DPYD: variants seen among roughly 807,000 people sequenced by gnomAD.
The protein encoded by DPYD is dihydropyrimidine dehydrogenase.
Under a neutral mutation model 116.2 loss-of-function variants are expected in DPYD, and 109 were observed. The observed-to-expected ratio is 0.94, with a 90% CI of 0.80 to 1.10. DPYD has a LOEUF of 1.10. DPYD is among the 50% of genes least tolerant of loss of function. The pLI, the probability that DPYD is intolerant of heterozygous loss-of-function variation, is 0.00. For synonymous variants in DPYD, 440 were observed against 432.0 expected (o/e 1.02, Z -0.23); for missense variants, 1,302 against 1,254.5 (o/e 1.04, Z -0.57).
chr1:97,275,564 T>C (rs1368988769), intron 18 of DPYD, among the ~76,000 whole-genome samples: 2 of 152,192 alleles, frequency 1.3e-5, no homozygotes, highest in East Asian at 3.8e-4. Context: ...TTCAGGGTTA[T>C]TATGAGTATG....
In DPYD at chr1:97,596,429, A is replaced by G. The variant is rs962136114; in HGVS notation, c.851-1263T>C. On this transcript the variant is annotated intron_variant, in intron 8 of 22. Transcript: ENST00000370192. ...TACCAAAACTTTGAAAGGAAAATAA[A>G]TGGCAGACTAAATTTTTTCCAAAGT... Among the ~76,000 whole-genome samples the G allele has an allele frequency of 3.9e-5, 6 of 152,226 alleles. No homozygotes were observed. The East Asian group carries it at 9.6e-4, about 24-fold the overall frequency.
At chr1:97,718,338 TGA>T (rs1662730167) in intron 5 of DPYD, among the ~76,000 whole-genome samples, 1 of 151,930 alleles carries the variant, frequency 6.6e-6, no homozygotes, top group Admixed American at 6.6e-5. Flanking sequence ...CTGATTTGTT[TGA>T]GTTTCTTGTA....
intron 16 of DPYD, among the ~76,000 whole-genome samples, chr1:97,306,930 T>C (rs1441816018): frequency 3.3e-5 from 5 of 151,902 alleles, no homozygotes; most frequent in African/African-American, 1.2e-4. Context: ...ACTCACAAAC[T>C]TGACAGAATT....
At chr1:97,253,269 AT>A (rs1385447438) in intron 18 of DPYD, among the ~76,000 whole-genome samples, 2 of 152,230 alleles carry the variant, frequency 1.3e-5, no homozygotes, top group African/African-American at 4.8e-5. Context: ...TTTGAAATCA[AT>A]AGCATTTATA....
chr1:97,344,625 T>C (rs1015422132), intron 16 of DPYD, among the ~76,000 whole-genome samples: 8 of 151,634 alleles, frequency 5.3e-5, no homozygotes, highest in Non-Finnish European at 1.2e-4. Flanking sequence ...TACATTGATA[T>C]ATGCGAAAAT....
chr1:97,554,457 A>G (rs891784220), intron 11 of DPYD, among the ~76,000 whole-genome samples: 3 of 152,094 alleles, frequency 2.0e-5, no homozygotes, highest in Non-Finnish European at 4.4e-5. Context: ...TTTACAATAA[A>G]ATGATACCTT....
At chr1:97,838,705 C>T (rs1436798433) in intron 2 of DPYD, among the ~76,000 whole-genome samples, 1 of 152,004 alleles carries the variant, frequency 6.6e-6, no homozygotes, top group African/African-American at 2.4e-5. Flanking sequence ...ATTAGCCGGG[C>T]GCGGTGGCGG....
intron 8 of DPYD, among the ~76,000 whole-genome samples, chr1:97,672,623 T>G (rs905008925): frequency 6.6e-6 from 1 of 152,238 alleles, no homozygotes; most frequent in African/African-American, 2.4e-5. Context: ...CAATTTACAT[T>G]TTTATCTGGG....
chr1:97,723,344 G>A (rs1219928414), intron 4 of DPYD, among the ~76,000 whole-genome samples: 2 of 151,554 alleles, frequency 1.3e-5, no homozygotes, highest in Non-Finnish European at 1.5e-5. Flanking sequence ...AAGCAGATAA[G>A]TGGCAGAGAC....
At chr1:97,587,086 T>C (rs575637770) in intron 10 of DPYD, among the ~76,000 whole-genome samples, 109 of 152,308 alleles carry the variant, frequency 7.2e-4, no homozygotes, top group African/African-American at 2.5e-3. Flanking sequence ...GCTCCAACTG[T>C]AATTCCTTTT....
At chr1:97,817,709 C>A (rs1290082265) in intron 3 of DPYD, among the ~76,000 whole-genome samples, 1 of 151,992 alleles carries the variant, frequency 6.6e-6, no homozygotes, top group Non-Finnish European at 1.5e-5. Context: ...TAATTTTCCA[C>A]TTGTAAAAGC....
At chr1:97,507,903 G>A (rs1402496622) in intron 13 of DPYD, among the ~76,000 whole-genome samples, 1 of 151,908 alleles carries the variant, frequency 6.6e-6, no homozygotes, top group Non-Finnish European at 1.5e-5. Flanking sequence ...ATTTAGAAAG[G>A]AAAAAGAAAA....
intron 8 of DPYD, among the ~76,000 whole-genome samples, chr1:97,618,987 T>C (rs1465100723): frequency 2.6e-5 from 4 of 152,156 alleles, no homozygotes; most frequent in Non-Finnish European, 4.4e-5. Flanking sequence ...GGTGAAGATG[T>C]TTTTATTTAT....
At chr1:97,830,694 T>G (rs1173568074) in intron 2 of DPYD, among the ~76,000 whole-genome samples, 1 of 141,180 alleles carries the variant, frequency 7.1e-6, no homozygotes, top group Non-Finnish European at 1.5e-5. Context: ...GGGGACAGAG[T>G]GAGACTCCAT....
At chr1:97,697,414 T>C (rs1053467687) in intron 6 of DPYD, among the ~76,000 whole-genome samples, 1 of 152,072 alleles carries the variant, frequency 6.6e-6, no homozygotes, top group African/African-American at 2.4e-5. Flanking sequence ...ACTTTCAAGA[T>C]ACAAGAGAAT....
intron 3 of DPYD, among the ~76,000 whole-genome samples, chr1:97,822,856 A>C (rs1347591880): frequency 6.6e-6 from 1 of 152,196 alleles, no homozygotes; most frequent in Non-Finnish European, 1.5e-5. Flanking sequence ...ATTAGAGTTG[A>C]ATATTTCCAA....
chr1:97,660,355 T>A lies in DPYD; in HGVS notation c.850+18740A>T, dbSNP rs532036673. ...TAAAAAGTACAAAATATATTACTTT[T>A]ATCTTAATTATAAACAATAAAACTA... On this transcript the variant is annotated intron_variant, in intron 8 of 22. Transcript: ENST00000370192. Among the ~76,000 whole-genome samples the A allele has an allele frequency of 7.2e-5, 11 of 152,296 alleles. No homozygotes were observed. The East Asian group carries it at 2.1e-3, about 29-fold the overall frequency.
At chr1:97,298,605 C>T (rs946662370) in intron 18 of DPYD, among the ~76,000 whole-genome samples, 3 of 151,874 alleles carry the variant, frequency 2.0e-5, no homozygotes, top group African/African-American at 4.9e-5. Context: ...TCTTCAACTA[C>T]GGAGAGGCAA....
intron 16 of DPYD, among the ~76,000 whole-genome samples, chr1:97,317,796 G>T (rs1202124890): frequency 6.6e-6 from 1 of 151,908 alleles, no homozygotes; most frequent in Non-Finnish European, 1.5e-5. Context: ...TCTGTCCTGG[G>T]AATGTTATGA....
Sources: allele counts gnomAD v4.1 joint callset (sites outside exome capture counted in the v4.1 genomes callset), GRCh38; gene constraint gnomAD v4.1.1; transcripts MANE v1.5; gene names NCBI Gene and HGNC (gene_info 2026-07-23, HGNC 2026-07-21).